Variants in CAMKK1 observed in about 807,000 individuals in gnomAD.
The protein encoded by CAMKK1 is calcium/calmodulin dependent protein kinase kinase 1, also known as calcium/calmodulin-dependent protein kinase kinase 1.
CAMKK1 carries 20 observed loss-of-function variants against 63.5 expected under a neutral mutation model. That is an observed-to-expected ratio of 0.32 (90% CI 0.22 to 0.46). CAMKK1 has a LOEUF of 0.46. Among genes scored for constraint, CAMKK1 ranks in the 20% least tolerant of loss-of-function variants. CAMKK1 has a pLI of 1.00. For missense variants in CAMKK1, 588 were observed against 658.1 expected, an observed-to-expected ratio of 0.89 and a Z score of 1.17; for synonymous variants, 253 against 269.0, an observed-to-expected ratio of 0.94 and a Z score of 0.58.
At position 3,883,045 on chromosome 17, in the gene CAMKK1, G is replaced by A. The variant is rs148683086; in HGVS notation, c.645C>T (p.Ile215=). Residue 215 remains isoleucine, a synonymous_variant, in exon 6 of 16, where the codon ATC becomes ATT. Coordinates refer to ENST00000348335, the MANE Select transcript of CAMKK1 (RefSeq NM_032294.3). This position sits in a 1 kb window ranked among gnomAD's most constrained non-coding sequence, Gnocchi z 4.7. ...CCTGCTCACCACCACCCCCTACCTC[G>A]ATCAGTTTGACCACATTCACGTGGT... ...KLDHVNVVKL[I]EVLDDPAEDN... is the part of the protein sequence containing the mutation. The A allele has an allele frequency of 1.6e-4, 264 of 1,613,640 alleles. No homozygotes were observed. Among genetic ancestry groups the A allele is most frequent in the Non-Finnish European group, 2.0e-4 (231 of 1,179,938 alleles).
rs117020312 is a variant in CAMKK1, at chr17:3,869,490, C to G, written c.1338G>C (p.Thr446=). The change falls in exon 14 of 16, where the codon ACG becomes ACC. Residue 446 remains threonine (T), a synonymous_variant. Transcript: ENST00000348335. ...GCATCTACCCCGGCTCTCTTACCAC[C>G]GTGGTCCAGCTGGGGATGAGCCTGA... is the stretch of plus-strand genomic sequence containing the variant. The part of the protein sequence containing the change: ...NSVRLIPSWT[T]VILVKSMLRK... The G allele has an allele frequency of 6.2e-7, 1 of 1,614,196 alleles. No homozygotes were observed. Among genetic ancestry groups the G allele is most frequent in the Non-Finnish European group, 8.5e-7 (1 of 1,180,032 alleles).
At chr17:3,876,193 C>A in intron 10 of CAMKK1, 30 bp downstream of exon 10, 1 of 1,601,340 alleles carries the variant, frequency 6.2e-7, no homozygotes, top group Non-Finnish European at 8.5e-7. Context: ...CCCACTTGAA[C>A]CCCAGCCTGG....
chr17:3,870,662 G>A (rs1225536812), intron 12 of CAMKK1, among the ~76,000 whole-genome samples: 1 of 151,976 alleles, frequency 6.6e-6, no homozygotes, highest in Non-Finnish European at 1.5e-5. Context: ...ACCACGCCCG[G>A]CCAAACCCCA....
At position 3,884,240 on chromosome 17, in the gene CAMKK1, C is replaced by T. The variant is rs1223351597; in HGVS notation, c.408+140G>A. On this transcript the variant is annotated intron_variant, in intron 3 of 15. Transcript: ENST00000348335. The surrounding 1 kb of genome is among the most constrained non-coding windows in gnomAD (Gnocchi z 4.5). ...CCTCCCCCTGGGTACCTGGGTACTT[C>T]CCACAGGGCACGAAACTGTCCTCAC... 1.6e-5 allele frequency: 14 copies of T among 900,602 alleles called. No homozygotes were observed. The highest frequency in any genetic ancestry group is 2.2e-4 in the Middle Eastern group (1 of 4,490). The allele number at this position is 900,602 out of a possible 1,614,324, so 55.8% of individuals were successfully genotyped here. A position where few individuals can be genotyped will look rare whatever the true frequency, so the allele number is the denominator to read the frequency against.
In CAMKK1 at chr17:3,883,566, G is replaced by A. The variant is rs1440859270; in HGVS notation, c.463-86C>T. 2.0e-5 allele frequency: 22 copies of A among 1,093,018 alleles called. No homozygotes were observed. Among genetic ancestry groups the A allele is most frequent in the Non-Finnish European group, 2.8e-5 (20 of 705,770 alleles). 67.7% of individuals were successfully genotyped at this position (1,093,018 alleles called of 1,614,324 possible). A position where few individuals can be genotyped will look rare whatever the true frequency, so the allele number is the denominator to read the frequency against. ...GTACATGTGGACTGAGGTCCGGAGA[G>A]GCACACTGGACATCTGCTACTGGCC... is the stretch of plus-strand genomic sequence containing the variant. On this transcript the variant is annotated intron_variant, in intron 4 of 15. Coordinates refer to ENST00000348335, the MANE Select transcript of CAMKK1 (RefSeq NM_032294.3). This position sits in a 1 kb window ranked among gnomAD's most constrained non-coding sequence, Gnocchi z 4.7.
At chr17:3,868,940 A>G (rs1199022586) in intron 14 of CAMKK1, among the ~76,000 whole-genome samples, 3 of 148,560 alleles carry the variant, frequency 2.0e-5, no homozygotes, top group African/African-American at 7.5e-5. Flanking sequence ...GGCGTGAGCC[A>G]CCGCGCCCGG....
At chr17:3,874,675 T>C (rs1385737590) in intron 10 of CAMKK1, among the ~76,000 whole-genome samples, 3 of 151,454 alleles carry the variant, frequency 2.0e-5, no homozygotes, top group African/African-American at 7.3e-5. Context: ...GCCCGGCTAA[T>C]TTTTGTATTT....
chr17:3,890,896 TC>T lies in CAMKK1; in HGVS notation c.-44+2042del, dbSNP rs2055876860. On this transcript the variant is annotated intron_variant, in intron 1 of 15. Coordinates refer to ENST00000348335, the MANE Select transcript of CAMKK1 (RefSeq NM_032294.3). This position sits in a 1 kb window ranked among gnomAD's most constrained non-coding sequence, Gnocchi z 6.5. ...CTCACCAAGTCAAACCCCTTAGAAG[TC>T]CAGATTCTACCCACTGCTTCGTTTC... Among the ~76,000 whole-genome samples the T allele has an allele frequency of 6.6e-6, 1 of 152,148 alleles. No individual in the cohort carries two copies. The highest frequency in any genetic ancestry group is 1.5e-5 in the Non-Finnish European group (1 of 68,036).
Position 3,883,201 on chromosome 17 carries a change from A to T in CAMKK1, c.515-26T>A. On this transcript the variant is annotated intron_variant, in intron 5 of 15. Coordinates refer to ENST00000348335, the MANE Select transcript of CAMKK1 (RefSeq NM_032294.3). This position sits in a 1 kb window ranked among gnomAD's most constrained non-coding sequence, Gnocchi z 4.7. Reference sequence around the variant, plus strand: ...CTGTGACCAGGAAGAGAACTCAAACACCTGTTCCAGGTGGCTGGGCCTCAC... The same window carrying T: ...CTGTGACCAGGAAGAGAACTCAAACTCCTGTTCCAGGTGGCTGGGCCTCAC... 6.2e-7 allele frequency: 1 copy of T among 1,606,328 alleles called. No homozygotes were observed. Among genetic ancestry groups the T allele is most frequent in the Non-Finnish European group, 8.5e-7 (1 of 1,179,374 alleles).
intron 9 of CAMKK1, 118 bp downstream of exon 9, chr17:3,880,228 G>T: frequency 1.2e-6 from 1 of 843,500 alleles, no homozygotes; most frequent in South Asian, 1.5e-5. Flanking sequence ...TCCCACTGAA[G>T]CTGATTGGCA....
intron 12 of CAMKK1, among the ~76,000 whole-genome samples, 167 bp from the exon 13 acceptor site, chr17:3,870,055 C>G (rs2054771885): frequency 6.6e-6 from 1 of 152,170 alleles, no homozygotes; most frequent in African/African-American, 2.4e-5. Flanking sequence ...AGCAGGAGGT[C>G]AAGTCTCCCT....
chr17:3,871,333 GTTTTT>G (rs71155812), intron 12 of CAMKK1, among the ~76,000 whole-genome samples: 4 of 111,006 alleles, frequency 3.6e-5, no homozygotes, highest in African/African-American at 1.3e-4. Context: ...GTTGTTTTTT[GTTTTT>G]TTTTTTTTGT....
In CAMKK1 at chr17:3,862,712, C is replaced by T. The variant is rs2054371717; in HGVS notation, c.1446-429G>A. Among the ~76,000 whole-genome samples, 4 of 152,252 alleles carry T rather than the reference C, an allele frequency of 2.6e-5. No homozygotes were observed. The highest frequency in any genetic ancestry group is 2.6e-4 in the Admixed American group (4 of 15,292). On this transcript the variant is annotated intron_variant, in intron 15 of 15. Transcript: ENST00000348335. This position sits in a 1 kb window ranked among gnomAD's most constrained non-coding sequence, Gnocchi z 4.1. ...TGGTGCAATCTCAGCTCATTGCAAC[C>T]TCTGCCTTCCAGGCTCAAGCGATCC...
rs887265854 is a variant in CAMKK1 at position 3,879,066 on chromosome 17, G to C, written c.796+1280C>G. 6.6e-6 allele frequency: 1 copy of C among 152,128 alleles called. No individual in the cohort carries two copies. The highest frequency in any genetic ancestry group is 2.4e-5 in the African/African-American group (1 of 41,370). 9.4% of individuals were successfully genotyped at this position (152,128 alleles called of 1,614,324 possible). A position where few individuals can be genotyped will look rare whatever the true frequency, so the allele number is the denominator to read the frequency against. Reference sequence around the variant, plus strand: ...TGACCTCAGGTGATCTACCCACCTCGGCCTCCCAAAGTGCTGGGATTACAG... The same window carrying C: ...TGACCTCAGGTGATCTACCCACCTCCGCCTCCCAAAGTGCTGGGATTACAG... On this transcript the variant is annotated intron_variant, in intron 9 of 15. Transcript: ENST00000348335. This position sits in a 1 kb window ranked among gnomAD's most constrained non-coding sequence, Gnocchi z 4.5.
At chr17:3,865,831 G>T in intron 15 of CAMKK1, 77 bp downstream of exon 15, 1 of 1,593,360 alleles carries the variant, frequency 6.3e-7, no homozygotes. Context: ...ACGACAGTGA[G>T]AGTGGGAGGA....
Position 3,890,522 on chromosome 17 carries a change from G to A in CAMKK1, c.-44+2417C>T, listed in dbSNP as rs1397034769. Among the ~76,000 whole-genome samples, 9 of 152,122 alleles carry A rather than the reference G, an allele frequency of 5.9e-5. No homozygotes were observed. In the East Asian group the frequency reaches 1.5e-3, roughly 26 times the overall value. On this transcript the variant is annotated intron_variant, in intron 1 of 15. Transcript: ENST00000348335. This position sits in a 1 kb window ranked among gnomAD's most constrained non-coding sequence, Gnocchi z 6.5. ...AGCAGCTCAGATCCAACAGGCCCCA[G>A]ATTCAACTCAGCATCTTCCCCAAAC... is the stretch of plus-strand genomic sequence containing the variant.
At position 3,885,501 on chromosome 17, in the gene CAMKK1, G is replaced by A. The variant is rs955192281; in HGVS notation, c.187C>T (p.Pro63Ser). 2 of 1,613,822 alleles carry A rather than the reference G, an allele frequency of 1.2e-6. No individual in the cohort carries two copies. The highest frequency in any genetic ancestry group is 1.7e-6 in the Non-Finnish European group (2 of 1,180,010). The change falls in exon 2 of 16, where the codon CCA becomes TCA. Residue 63 changes from proline (P) to serine (S), a missense_variant. Pro to Ser is a moderately conservative substitution (Grantham distance 74, BLOSUM62 -1). Around this residue, in one of 3 missense-constraint regions of CAMKK1, gnomAD observed 357 missense variants for 407.4 expected, o/e 0.88. Transcript: ENST00000348335. ...VIPGSTSRLLPARPSLSARKL... is the reference protein window; with the variant it reads ...VIPGSTSRLLSARPSLSARKL... ...CTGGCTGAGAGGCTAGGCCGGGCTG[G>A]GAGCAGTCTTGAAGTACTGCCAGGG...
chr17:3,887,814 T>C lies in CAMKK1; in HGVS notation c.-43-2084A>G, dbSNP rs1225269143. 6.6e-6 allele frequency among the ~76,000 whole-genome samples: 1 copy of C among 152,090 alleles called. No homozygotes were observed. The highest frequency in any genetic ancestry group is 1.5e-5 in the Non-Finnish European group (1 of 68,000). On this transcript the variant is annotated intron_variant, in intron 1 of 15. Coordinates refer to ENST00000348335, the MANE Select transcript of CAMKK1 (RefSeq NM_032294.3). This position sits in a 1 kb window ranked among gnomAD's most constrained non-coding sequence, Gnocchi z 6.1. ...AGCATAGGAAGGAGGAAGCCAAAGC[T>C]GGGAACACCCTCCAGGACCCGCCAG...
chr17:3,877,204 G>A (rs2055205480), intron 9 of CAMKK1, among the ~76,000 whole-genome samples: 1 of 152,174 alleles, frequency 6.6e-6, no homozygotes, highest in Non-Finnish European at 1.5e-5. Flanking sequence ...GAGTAAGATT[G>A]TAGGGACTCT....
Sources: allele counts gnomAD v4.1 joint callset (sites outside exome capture counted in the v4.1 genomes callset), GRCh38; gene constraint gnomAD v4.1.1; regional missense constraint gnomAD v4.1.1; non-coding constraint Gnocchi (gnomAD v3.1); transcripts MANE v1.5; gene names NCBI Gene and HGNC (gene_info 2026-07-23, HGNC 2026-07-21).